The following SMC3 variants were observed in gnomAD, a reference collection of about 807,000 sequenced individuals.
SMC3 encodes structural maintenance of chromosomes 3.
In SMC3, 20 loss-of-function variants were observed where a neutral mutation model predicts 171.8. The observed-to-expected ratio is 0.12, with a 90% confidence interval of 0.08 to 0.17. SMC3 has a LOEUF of 0.17. SMC3 is among the 10% of genes least tolerant of loss of function. SMC3 has a pLI of 1.00. For missense variants in SMC3, 543 were observed against 1,420.4 expected, an observed-to-expected ratio of 0.38 and a Z score of 9.93; for synonymous variants, 464 against 451.1, an observed-to-expected ratio of 1.03 and a Z score of -0.36.
intron 3 of SMC3, among the ~76,000 whole-genome samples, chr10:110,574,002 T>C (rs1267785500): frequency 6.6e-6 from 1 of 152,196 alleles, no homozygotes; most frequent in African/African-American, 2.4e-5. Context: ...ATGGAGATGT[T>C]TGGATGTTTG....
At chr10:110,577,040 A>G (rs1005830283) in intron 4 of SMC3, among the ~76,000 whole-genome samples, 4 of 152,172 alleles carry the variant, frequency 2.6e-5, no homozygotes, top group African/African-American at 7.2e-5. Context: ...GTAGAGTTAA[A>G]TGTCCCCAGT....
At position 110,575,191 on chromosome 10, in the gene SMC3, G is replaced by A; in HGVS notation, c.131-145G>A. On this transcript the variant is annotated intron_variant, in intron 3 of 28. Transcript: ENST00000361804. ...AGTCTGATGTGCAGGCACATTTTCT[G>A]CATTTCCTTTTGTCCATATGAAACA... 4.6e-6 allele frequency: 3 copies of A among 652,300 alleles called. No individual in the cohort carries two copies. The South Asian group carries it at 5.4e-5, about 12-fold the overall frequency. 40.4% of individuals were successfully genotyped at this position (652,300 alleles called of 1,614,324 possible). A position where few individuals can be genotyped will look rare whatever the true frequency, so the allele number is the denominator to read the frequency against.
chr10:110,573,700 T>C lies in SMC3; in HGVS notation c.92-7T>C. The C allele has an allele frequency of 6.3e-7, 1 of 1,591,374 alleles. No individual in the cohort carries two copies. The highest frequency in any genetic ancestry group is 1.1e-5 in the South Asian group (1 of 89,790). ...TAAAATAACTTGTACTTTTTGAAATTTTCCAGTGGGCAGAAATGGATCTGG... is the reference window on the plus strand; with the variant it reads ...TAAAATAACTTGTACTTTTTGAAATCTTCCAGTGGGCAGAAATGGATCTGG... On this transcript the variant is annotated splice_polypyrimidine_tract_variant and splice_region_variant and intron_variant, in intron 2 of 28. Coordinates refer to ENST00000361804, the MANE Select transcript of SMC3 (RefSeq NM_005445.4).
chr10:110,575,430 T>C (rs1860933043), intron 4 of SMC3, 27 bp downstream of exon 4: 15 of 1,509,862 alleles, frequency 9.9e-6, no homozygotes, highest in Non-Finnish European at 1.4e-5. Context: ...TAAGACATTA[T>C]TGATATTACA....
intron 2 of SMC3, 35 bp from the exon 3 acceptor site, chr10:110,573,672 A>G (rs761334157): frequency 4.4e-5 from 64 of 1,457,206 alleles, no homozygotes; most frequent in Non-Finnish European, 5.9e-5. Flanking sequence ...ATTGGTTTTT[A>G]TGTAAAATAA....
intron 4 of SMC3, 29 bp from the exon 5 acceptor site, chr10:110,577,392 G>A: frequency 6.5e-7 from 1 of 1,535,710 alleles, no homozygotes; most frequent in Non-Finnish European, 9.0e-7. Context: ...CAACTTAAAT[G>A]GCAAATTTCT....
intron 1 of SMC3, chr10:110,568,271 C>T (rs1860812772): frequency 4.7e-6 from 1 of 211,738 alleles, no homozygotes; most frequent in Non-Finnish European, 9.4e-6. Flanking sequence ...GGCCCGGGGG[C>T]GGCCCTGGGG....
chr10:110,603,413 GTAAAGAAAGAACTTTTCCTTCAAATAAC>G, intron 28 of SMC3, 123 bp downstream of exon 28: 3 of 679,930 alleles, frequency 4.4e-6, no homozygotes, highest in Non-Finnish European at 5.1e-6. Flanking sequence ...TGATGTCTTT[GTAAAGAAAGAACTTTTCCTTCAAATAAC>G]TATGAAGTTT....
chr10:110,580,753 A>C, intron 7 of SMC3, 151 bp from the exon 8 acceptor site: 1 of 651,622 alleles, frequency 1.5e-6, no homozygotes, highest in Non-Finnish European at 2.8e-6. Flanking sequence ...CAAAACTTGA[A>C]AAAATCTAAA....
At chr10:110,575,273 A>C in intron 3 of SMC3, 63 bp from the exon 4 acceptor site, 1 of 1,143,792 alleles carries the variant, frequency 8.7e-7, no homozygotes, top group South Asian at 1.2e-5. Context: ...GAGGTGTGGG[A>C]AGTTATAAAT....
chr10:110,601,227 T>C lies in SMC3; in HGVS notation c.2644+97T>C, dbSNP rs1861382198. The C allele has an allele frequency of 1.0e-5, 9 of 902,974 alleles. No homozygotes were observed. The South Asian group carries it at 1.1e-4, about 11-fold the overall frequency. 55.9% of individuals were successfully genotyped at this position (902,974 alleles called of 1,614,324 possible). ...CCAAATAGGCAGAAGCATATGCTAA[T>C]GATTTTTTGTTTTCCATTATAAACA... On this transcript the variant is annotated intron_variant, in intron 23 of 28. Coordinates refer to ENST00000361804, the MANE Select transcript of SMC3 (RefSeq NM_005445.4).
intron 2 of SMC3, among the ~76,000 whole-genome samples, chr10:110,569,931 A>T (rs992684618): frequency 6.6e-6 from 1 of 152,258 alleles, no homozygotes; most frequent in Admixed American, 6.5e-5. Flanking sequence ...CACCAGAAAC[A>T]CAGACTGCTG....
chr10:110,571,713 A>G (rs1263744409), intron 2 of SMC3, among the ~76,000 whole-genome samples: 1 of 152,192 alleles, frequency 6.6e-6, no homozygotes, highest in Non-Finnish European at 1.5e-5. Context: ...GGGGCCACAT[A>G]TAAACTGTGT....
Position 110,581,939 on chromosome 10 carries a change from A to G in SMC3, c.564A>G (p.Lys188=), listed in dbSNP as rs1861037577. ...TCTTTTAAGAGGGCAAACGGGAAAAAATCAATGAGTTGTTAAAATACATTG... is the reference window on the plus strand; with the variant it reads ...TCTTTTAAGAGGGCAAACGGGAAAAGATCAATGAGTTGTTAAAATACATTG... The part of the protein sequence containing the change: ...LMKETEGKRE[K]INELLKYIEE... Residue 188 remains lysine (K), a synonymous_variant, in exon 9 of 29, where the codon AAA becomes AAG. Coordinates refer to ENST00000361804, the MANE Select transcript of SMC3 (RefSeq NM_005445.4). 1 of 1,613,720 alleles carries G rather than the reference A, an allele frequency of 6.2e-7. No individual in the cohort carries two copies. Among genetic ancestry groups the G allele is most frequent in the East Asian group, 2.2e-5 (1 of 44,806 alleles).
In SMC3 at chr10:110,595,917, CTTT is replaced by C. The variant is rs10639343; in HGVS notation, c.1964-461_1964-459del. Among the ~76,000 whole-genome samples the C allele has an allele frequency of 2.2e-3, 220 of 101,608 alleles. 2 individuals carry two copies. Among genetic ancestry groups the C allele is most frequent in the Admixed American group, 3.7e-3 (29 of 7,922 alleles). The allele number at this position is 101,608 out of a possible 152,430, so 66.7% of individuals were successfully genotyped here. A position where few individuals can be genotyped will look rare whatever the true frequency, so the allele number is the denominator to read the frequency against. On this transcript the variant is annotated intron_variant, in intron 18 of 28. Transcript: ENST00000361804. The stretch of plus-strand genomic sequence containing the variant: ...AGATGTTCAGGTTCAACTGGAGGTT[CTTT>C]TTTTTTTTTTTTTTTTTTTAAAGAC...
chr10:110,581,610 T>A (rs1861031083), intron 8 of SMC3, among the ~76,000 whole-genome samples: 1 of 152,176 alleles, frequency 6.6e-6, no homozygotes, highest in South Asian at 2.1e-4. Flanking sequence ...TGTTCTCTGG[T>A]GCTTTTCATA....
At chr10:110,588,103 G>C (rs1861152378) in intron 13 of SMC3, among the ~76,000 whole-genome samples, 1 of 152,154 alleles carries the variant, frequency 6.6e-6, no homozygotes, top group African/African-American at 2.4e-5. Context: ...TGATTCTCCT[G>C]CCTCAGCCTC....
chr10:110,578,188 C>T (rs1212021799), intron 6 of SMC3, among the ~76,000 whole-genome samples: 1 of 152,172 alleles, frequency 6.6e-6, no homozygotes, highest in Non-Finnish European at 1.5e-5. Flanking sequence ...ATTCTGCTGC[C>T]TCAGCCTTCT....
rs549745728 is a variant in SMC3 at position 110,593,110 on chromosome 10, C to T, written c.1850C>T (p.Pro617Leu). 4 of 1,613,850 alleles carry T rather than the reference C, an allele frequency of 2.5e-6. No homozygotes were observed. Among genetic ancestry groups the T allele is most frequent in the Non-Finnish European group, 3.4e-6 (4 of 1,179,884 alleles). ...ATGATCAGCAAACTGAGGTACAATC[C>T]CAGATTTGACAAAGCTTTCAAACAT... ...IPMISKLRYN[P>L]RFDKAFKHVF... The change falls in exon 18 of 29, where the codon CCC becomes CTC. Residue 617 changes from proline to leucine, a missense_variant. Around this residue, in one of 8 missense-constraint regions of SMC3, gnomAD observed 218 missense variants for 509.6 expected, o/e 0.43. Transcript: ENST00000361804.
Sources: allele counts gnomAD v4.1 joint callset (sites outside exome capture counted in the v4.1 genomes callset), GRCh38; gene constraint gnomAD v4.1.1; regional missense constraint gnomAD v4.1.1; transcripts MANE v1.5; gene names NCBI Gene and HGNC (gene_info 2026-07-23, HGNC 2026-07-21).